Variants in SLC35F1 observed in about 807,000 individuals in gnomAD.
SLC35F1 encodes the protein chromosome 6 open reading frame 169.
Under a neutral mutation model 48.7 loss-of-function variants are expected in SLC35F1, and 14 were observed. The observed-to-expected ratio is 0.29, with a 90% CI of 0.19 to 0.45. The LOEUF (loss-of-function observed/expected upper bound fraction) is 0.45, where lower values mean the gene tolerates loss of function less well. Among genes scored for constraint, SLC35F1 ranks in the 20% least tolerant of loss-of-function variants. The pLI is 1.00. For synonymous variants in SLC35F1, 190 were observed against 202.2 expected, an observed-to-expected ratio of 0.94 and a Z score of 0.51; for missense variants, 404 against 500.0, an observed-to-expected ratio of 0.81 and a Z score of 1.83.
intron 1 of SLC35F1, among the ~76,000 whole-genome samples, chr6:118,077,073 A>G (rs1772832964): frequency 6.6e-6 from 1 of 152,218 alleles, no homozygotes; most frequent in Non-Finnish European, 1.5e-5. Context: ...TGACAGATTA[A>G]TCTTTGAAGA....
chr6:118,159,822 G>A (rs909881351), intron 2 of SLC35F1, among the ~76,000 whole-genome samples: 11 of 152,110 alleles, frequency 7.2e-5, no homozygotes, highest in South Asian at 2.1e-4. Flanking sequence ...GACAAAAATC[G>A]TGCTGCTTCC....
At chr6:118,290,537 A>T (rs1463507068) in intron 7 of SLC35F1, among the ~76,000 whole-genome samples, 1 of 151,860 alleles carries the variant, frequency 6.6e-6, no homozygotes, top group Non-Finnish European at 1.5e-5. Flanking sequence ...CAAAATACTC[A>T]ATTAATTTAA....
intron 1 of SLC35F1, among the ~76,000 whole-genome samples, chr6:117,991,729 T>C (rs1300900991): frequency 6.6e-6 from 1 of 152,226 alleles, no homozygotes; most frequent in Non-Finnish European, 1.5e-5. Flanking sequence ...TCTTGGTACC[T>C]TTGACAATCC....
At chr6:118,043,340 T>A (rs1772254185) in intron 1 of SLC35F1, among the ~76,000 whole-genome samples, 1 of 35,436 alleles carries the variant, frequency 2.8e-5, no homozygotes, top group Admixed American at 4.0e-4. Context: ...GTGTCCACCT[T>A]TATTCTGGAG....
At chr6:118,125,377 G>GGA (rs1554229379) in intron 1 of SLC35F1, among the ~76,000 whole-genome samples, 10 of 36,756 alleles carry the variant, frequency 2.7e-4, no homozygotes, top group African/African-American at 8.7e-4. Context: ...ATGGTATTTT[G>GGA]GGGGGGGGGA....
intron 1 of SLC35F1, among the ~76,000 whole-genome samples, chr6:117,922,742 A>T (rs931733661): frequency 6.6e-6 from 1 of 152,180 alleles, no homozygotes; most frequent in African/African-American, 2.4e-5. Flanking sequence ...TTGCCCTGTC[A>T]CTGGACTTTC....
chr6:118,219,347 T>C (rs2114560434), intron 2 of SLC35F1, among the ~76,000 whole-genome samples: 1 of 152,024 alleles, frequency 6.6e-6, no homozygotes, highest in South Asian at 2.1e-4. Context: ...CAGAGCAGAG[T>C]CTTTGTTTTC....
intron 1 of SLC35F1, among the ~76,000 whole-genome samples, chr6:118,140,536 CAT>C (rs996882616): frequency 1.1e-4 from 17 of 151,618 alleles, no homozygotes; most frequent in Non-Finnish European, 2.1e-4. Flanking sequence ...TGATAGTAAA[CAT>C]GTTATTGGTT....
chr6:118,284,830 A>C (rs1164420127), intron 6 of SLC35F1, among the ~76,000 whole-genome samples: 1 of 152,214 alleles, frequency 6.6e-6, no homozygotes, highest in Non-Finnish European at 1.5e-5. Context: ...GAGGTAAAAA[A>C]AAGTTTCAAA....
intron 2 of SLC35F1, among the ~76,000 whole-genome samples, chr6:118,167,458 C>G (rs1774335457): frequency 6.6e-6 from 1 of 152,112 alleles, no homozygotes; most frequent in Admixed American, 6.6e-5. Context: ...GCCTATTGCT[C>G]CTGGGGTACA....
intron 2 of SLC35F1, among the ~76,000 whole-genome samples, chr6:118,209,783 G>T (rs189869318): frequency 3.3e-5 from 5 of 152,226 alleles, no homozygotes; most frequent in Admixed American, 6.5e-5. Flanking sequence ...AATCTTCAGA[G>T]AGTTTATGTG....
chr6:118,070,862 T>A (rs1435099885), intron 1 of SLC35F1, among the ~76,000 whole-genome samples: 1 of 133,466 alleles, frequency 7.5e-6, no homozygotes. Context: ...ACACATAGGA[T>A]ATATATACTA....
chr6:118,103,010 A>G (rs1393664079), intron 1 of SLC35F1, among the ~76,000 whole-genome samples: 4 of 152,192 alleles, frequency 2.6e-5, no homozygotes, highest in Non-Finnish European at 4.4e-5. Flanking sequence ...AAATTAGGGT[A>G]ACCACCAGGT....
At chr6:117,935,711 A>G (rs1304136513) in intron 1 of SLC35F1, among the ~76,000 whole-genome samples, 4 of 152,176 alleles carry the variant, frequency 2.6e-5, no homozygotes, top group Non-Finnish European at 5.9e-5. Context: ...ACATAGCACT[A>G]AAATGACCGC....
intron 1 of SLC35F1, among the ~76,000 whole-genome samples, chr6:117,950,865 A>G (rs1776355426): frequency 6.6e-6 from 1 of 152,230 alleles, no homozygotes; most frequent in African/African-American, 2.4e-5. Flanking sequence ...TTGAGACATC[A>G]ATGTTGATAA....
intron 1 of SLC35F1, among the ~76,000 whole-genome samples, chr6:118,134,164 G>A (rs1773758728): frequency 6.6e-6 from 1 of 152,208 alleles, no homozygotes; most frequent in African/African-American, 2.4e-5. Flanking sequence ...AGGAGAAACT[G>A]CCTGTGCAGG....
rs1207321678 is a variant in SLC35F1, at chr6:118,185,903, T to C, written c.349+31283T>C. ...ACTTGATGTGTATGTCTACAATGAA[T>C]AGATTCAAACCTCCTCTCCCTCCCA... On this transcript the variant is annotated intron_variant, in intron 2 of 7. Transcript: ENST00000360388. 3.9e-5 allele frequency among the ~76,000 whole-genome samples: 6 copies of C among 152,252 alleles called. No homozygotes were observed. In the East Asian group the frequency reaches 1.2e-3, roughly 29 times the overall value.
chr6:118,168,535 C>G (rs73522230), intron 2 of SLC35F1, among the ~76,000 whole-genome samples: 2,575 of 152,254 alleles, frequency 0.017, 76 homozygotes, highest in African/African-American at 0.058. Context: ...ACTGTACTCA[C>G]TTATTTTCAG....
chr6:118,065,632 A>G (rs1252800747), intron 1 of SLC35F1, among the ~76,000 whole-genome samples: 1 of 152,238 alleles, frequency 6.6e-6, no homozygotes, highest in Non-Finnish European at 1.5e-5. Flanking sequence ...TCAAAAAAAG[A>G]AAAGATTGGA....
Sources: allele counts gnomAD v4.1 joint callset (sites outside exome capture counted in the v4.1 genomes callset), GRCh38; gene constraint gnomAD v4.1.1; transcripts MANE v1.5; gene names NCBI Gene and HGNC (gene_info 2026-07-23, HGNC 2026-07-21).